COBL: variants seen among roughly 807,000 people sequenced by gnomAD.
COBL encodes the protein cordon-bleu WH2 repeat protein.
COBL carries 51 observed loss-of-function variants against 98.8 expected under a neutral mutation model. The ratio of observed to expected loss-of-function variants is 0.52; its 90% CI spans 0.41 to 0.65. COBL has a LOEUF of 0.65. COBL is among the 30% of genes least tolerant of loss of function. The probability of loss-of-function intolerance (pLI) is 0.00; values close to 1 mark genes in which losing one functional copy is unlikely to be tolerated. For synonymous variants in COBL, 634 were observed against 651.7 expected, an observed-to-expected ratio of 0.97 and a Z score of 0.41; for missense variants, 1,617 against 1,617.5, an observed-to-expected ratio of 1.00 and a Z score of 0.01.
At chr7:51,296,935 T>A (rs1801465839) in intron 1 of COBL, among the ~76,000 whole-genome samples, 1 of 152,122 alleles carries the variant, frequency 6.6e-6, no homozygotes, top group Non-Finnish European at 1.5e-5. Flanking sequence ...TCTCAACTAA[T>A]ACACATTTAA....
At chr7:51,204,102 A>G (rs1457055005) in intron 2 of COBL, among the ~76,000 whole-genome samples, 1 of 152,250 alleles carries the variant, frequency 6.6e-6, no homozygotes, top group Non-Finnish European at 1.5e-5. Flanking sequence ...ACAACACATC[A>G]ACACAAGGAA....
At chr7:51,147,961 A>C (rs1355994135) in intron 5 of COBL, among the ~76,000 whole-genome samples, 1 of 151,762 alleles carries the variant, frequency 6.6e-6, no homozygotes, top group Non-Finnish European at 1.5e-5. Context: ...ACGGGGTTTT[A>C]CCGTGTTAGC....
intron 6 of COBL, among the ~76,000 whole-genome samples, chr7:51,120,506 T>G (rs907231421): frequency 1.3e-5 from 2 of 152,170 alleles, no homozygotes; most frequent in African/African-American, 4.8e-5. Flanking sequence ...ACTATAAAAT[T>G]TACCATCTTA....
intron 12 of COBL, 41 bp downstream of exon 12, chr7:51,025,068 C>G (rs982263015): frequency 3.1e-6 from 5 of 1,611,542 alleles, no homozygotes; most frequent in Non-Finnish European, 4.2e-6. Flanking sequence ...CACCTCCAAC[C>G]CTCTGGCCCC....
chr7:51,305,938 A>C (rs964290870), intron 1 of COBL, among the ~76,000 whole-genome samples: 11 of 152,196 alleles, frequency 7.2e-5, no homozygotes, highest in African/African-American at 2.4e-4. Context: ...CAGGAGGCTG[A>C]GGCAGAAGAA....
chr7:51,215,782 T>A (rs575634373), intron 2 of COBL, among the ~76,000 whole-genome samples: 1 of 152,346 alleles, frequency 6.6e-6, no homozygotes, highest in South Asian at 2.1e-4. Context: ...AGGCTGTACA[T>A]GTGCTCCATC....
chr7:51,129,678 G>A (rs1583892050), intron 6 of COBL, among the ~76,000 whole-genome samples: 1 of 152,044 alleles, frequency 6.6e-6, no homozygotes, highest in Non-Finnish European at 1.5e-5. Context: ...GGTGGAGGTG[G>A]CCAGCGAGAC....
intron 6 of COBL, among the ~76,000 whole-genome samples, chr7:51,108,917 G>GACACACACAC (rs1159629618): frequency 2.1e-4 from 12 of 57,910 alleles, no homozygotes; most frequent in Admixed American, 4.3e-4. Flanking sequence ...CTGACACATA[G>GACACACACAC]ACACACACAC....
At chr7:51,276,956 A>C (rs1271956798) in intron 1 of COBL, among the ~76,000 whole-genome samples, 1 of 152,194 alleles carries the variant, frequency 6.6e-6, no homozygotes, top group Admixed American at 6.5e-5. Flanking sequence ...ACCACAGAAA[A>C]GGAGATGCAT....
chr7:51,060,015 T>C (rs1463482439), intron 7 of COBL, among the ~76,000 whole-genome samples: 2 of 152,138 alleles, frequency 1.3e-5, no homozygotes, highest in Non-Finnish European at 2.9e-5. Flanking sequence ...CCCTTCATCA[T>C]GGGTCCTGCC....
At chr7:51,061,124 G>A (rs1791309253) in intron 7 of COBL, among the ~76,000 whole-genome samples, 1 of 152,192 alleles carries the variant, frequency 6.6e-6, no homozygotes, top group African/African-American at 2.4e-5. Context: ...GGGGAATACA[G>A]AATGGGTAGA....
chr7:51,284,129 C>CAAAAAAAAAAAAAA (rs71021763), intron 1 of COBL, among the ~76,000 whole-genome samples: 3 of 66,246 alleles, frequency 4.5e-5, no homozygotes, highest in Non-Finnish European at 7.9e-5. Context: ...ACCAAAAATA[C>CAAAAAAAAAAAAAA]AAAAAAAAAA....
At chr7:51,193,092 G>C (rs1172118617) in intron 3 of COBL, among the ~76,000 whole-genome samples, 2 of 152,166 alleles carry the variant, frequency 1.3e-5, no homozygotes, top group African/African-American at 4.8e-5. Flanking sequence ...CAGAATTAAA[G>C]ACCATGCCCC....
intron 11 of COBL, 32 bp from the exon 12 acceptor site, chr7:51,025,404 G>A: frequency 6.2e-7 from 1 of 1,609,414 alleles, no homozygotes; most frequent in Non-Finnish European, 8.5e-7. Flanking sequence ...GACTGCTATA[G>A]AGTGAATGTC....
chr7:51,172,497 C>T (rs937864694), intron 5 of COBL: 56 of 1,288,060 alleles, frequency 4.3e-5, no homozygotes, highest in Non-Finnish European at 5.6e-5. Context: ...GTGTCCTCAT[C>T]GCTGTCTGCA....
intron 1 of COBL, among the ~76,000 whole-genome samples, chr7:51,243,697 C>CA (rs994852863): frequency 6.6e-6 from 1 of 152,132 alleles, no homozygotes; most frequent in African/African-American, 2.4e-5. Context: ...CTCAAAATGA[C>CA]AAAAATCATA....
chr7:51,074,999 T>C (rs1389721365), intron 7 of COBL, among the ~76,000 whole-genome samples: 5 of 152,218 alleles, frequency 3.3e-5, no homozygotes, highest in African/African-American at 1.2e-4. Flanking sequence ...CAGTCAATTA[T>C]TACCGTTAAC....
intron 5 of COBL, chr7:51,156,553 C>T (rs892500526): frequency 1.0e-6 from 1 of 985,014 alleles, no homozygotes; most frequent in Non-Finnish European, 1.2e-6. Flanking sequence ...TCTCGGATGG[C>T]AAACATTCTT....
At chr7:51,243,078 G>A (rs894228985) in intron 1 of COBL, among the ~76,000 whole-genome samples, 3 of 152,210 alleles carry the variant, frequency 2.0e-5, no homozygotes, top group Non-Finnish European at 2.9e-5. Flanking sequence ...TGGTGGCACT[G>A]CTTGGATGAG....
Sources: allele counts gnomAD v4.1 joint callset (sites outside exome capture counted in the v4.1 genomes callset), GRCh38; gene constraint gnomAD v4.1.1; transcripts MANE v1.5; gene names NCBI Gene and HGNC (gene_info 2026-07-23, HGNC 2026-07-21).